Variants in MAML3 observed in about 807,000 individuals in gnomAD.
The protein encoded by MAML3 is mastermind like transcriptional coactivator 3.
Under a neutral mutation model 101.9 loss-of-function variants are expected in MAML3, and 27 were observed. The ratio of observed to expected loss-of-function variants is 0.27; its 90% confidence interval spans 0.20 to 0.37. The LOEUF (loss-of-function observed/expected upper bound fraction) is 0.37. Ranked by LOEUF, MAML3 falls within the 10% of genes least tolerant of loss-of-function variation. The probability of loss-of-function intolerance (pLI) is 1.00; values close to 1 mark genes in which losing one functional copy is unlikely to be tolerated. For synonymous variants in MAML3, 501 were observed against 555.9 expected, an observed-to-expected ratio of 0.90 and a Z score of 1.39; for missense variants, 1,316 against 1,444.9, an observed-to-expected ratio of 0.91 and a Z score of 1.45.
At chr4:140,094,459 A>C (rs1249697758) in intron 1 of MAML3, among the ~76,000 whole-genome samples, 1 of 152,230 alleles carries the variant, frequency 6.6e-6, no homozygotes, top group East Asian at 1.9e-4. Flanking sequence ...GCGACCGCCA[A>C]CCATGGCCAG....
chr4:139,741,117 C>T (rs1276100603), intron 2 of MAML3, among the ~76,000 whole-genome samples: 1 of 152,046 alleles, frequency 6.6e-6, no homozygotes. Context: ...TGCCCAGCTG[C>T]GGTGGTGGGG....
At chr4:139,874,546 A>T (rs907629137) in intron 2 of MAML3, among the ~76,000 whole-genome samples, 8 of 152,152 alleles carry the variant, frequency 5.3e-5, no homozygotes, top group South Asian at 2.1e-4. Flanking sequence ...CTATCTTTGT[A>T]TGCACAATGC....
intron 1 of MAML3, among the ~76,000 whole-genome samples, chr4:140,048,351 A>C (rs1201690450): frequency 6.6e-6 from 1 of 152,236 alleles, no homozygotes; most frequent in Admixed American, 6.5e-5. Flanking sequence ...CAAAAGGCAT[A>C]CAAGTGACCA....
intron 1 of MAML3, among the ~76,000 whole-genome samples, chr4:140,047,353 G>A (rs983052352): frequency 6.6e-6 from 1 of 152,126 alleles, no homozygotes; most frequent in African/African-American, 2.4e-5. Context: ...TGTGAAGCAG[G>A]GATTTCAAGG....
intron 1 of MAML3, among the ~76,000 whole-genome samples, chr4:140,070,876 G>A (rs537830541): frequency 7.7e-4 from 118 of 152,288 alleles, no homozygotes; most frequent in African/African-American, 2.2e-3. Context: ...GAAGTAGAAA[G>A]GCCCCTTCCC....
intron 2 of MAML3, among the ~76,000 whole-genome samples, chr4:139,815,241 A>G (rs1730873519): frequency 6.6e-6 from 1 of 152,206 alleles, no homozygotes; most frequent in Non-Finnish European, 1.5e-5. Flanking sequence ...GGAAGGTAAG[A>G]TCCTGAAGTG....
At chr4:140,008,123 C>T (rs1578640365) in intron 1 of MAML3, among the ~76,000 whole-genome samples, 1 of 152,128 alleles carries the variant, frequency 6.6e-6, no homozygotes, top group African/African-American at 2.4e-5. Flanking sequence ...GGTGGGCAGA[C>T]CACCTGAGGT....
chr4:140,083,099 G>T (rs571184496), intron 1 of MAML3, among the ~76,000 whole-genome samples: 2 of 152,292 alleles, frequency 1.3e-5, no homozygotes, highest in East Asian at 3.9e-4. Flanking sequence ...GAGGGAAAAG[G>T]ATAGAAATTA....
chr4:139,968,265 G>A lies in MAML3; in HGVS notation c.469-77298C>T, dbSNP rs1027310984. ...GTGGAGGTTGCTGTGAGCCAAGATC[G>A]TGCCACTACACTCCAGCCTGGGCAA... On this transcript the variant is annotated intron_variant, in intron 1 of 4. Coordinates refer to ENST00000509479, the MANE Select transcript of MAML3 (RefSeq NM_018717.5). Among the ~76,000 whole-genome samples, 23 of 147,452 alleles carry A rather than the reference G, an allele frequency of 1.6e-4. 1 individual carries two copies. The highest frequency in any genetic ancestry group is 1.3e-3 in the Admixed American group (19 of 14,752).
chr4:139,999,935 T>C (rs543566463), intron 1 of MAML3, among the ~76,000 whole-genome samples: 10 of 152,326 alleles, frequency 6.6e-5, no homozygotes, highest in African/African-American at 2.4e-4. Flanking sequence ...AAATGTGCTT[T>C]TCCCCCTATT....
chr4:139,791,502 CAAAAA>C (rs534133306), intron 2 of MAML3, among the ~76,000 whole-genome samples: 2 of 95,102 alleles, frequency 2.1e-5, no homozygotes, highest in Non-Finnish European at 3.9e-5. Flanking sequence ...GACTCCATCT[CAAAAA>C]AAAAAAAAAA....
intron 1 of MAML3, among the ~76,000 whole-genome samples, chr4:140,120,427 T>C (rs1334706420): frequency 6.6e-6 from 1 of 152,224 alleles, no homozygotes; most frequent in Non-Finnish European, 1.5e-5. Flanking sequence ...GTTAAAAGGC[T>C]TCGTATCATT....
intron 2 of MAML3, among the ~76,000 whole-genome samples, chr4:139,876,321 T>G (rs1197577117): frequency 6.6e-6 from 1 of 152,174 alleles, no homozygotes; most frequent in African/African-American, 2.4e-5. Flanking sequence ...TTGCATTCTA[T>G]TTTGATTGGA....
At chr4:140,131,527 G>C (rs138307614) in intron 1 of MAML3, among the ~76,000 whole-genome samples, 1 of 152,238 alleles carries the variant, frequency 6.6e-6, no homozygotes, top group Non-Finnish European at 1.5e-5. Context: ...AGGAAAAGTA[G>C]AATGGAATTT....
At chr4:139,728,494 A>G (rs901649614) in intron 3 of MAML3, among the ~76,000 whole-genome samples, 4 of 152,254 alleles carry the variant, frequency 2.6e-5, no homozygotes, top group Non-Finnish European at 5.9e-5. Flanking sequence ...GGAAATTATT[A>G]AAACCTAATC....
At chr4:139,947,376 G>A (rs1164161267) in intron 1 of MAML3, among the ~76,000 whole-genome samples, 1 of 152,104 alleles carries the variant, frequency 6.6e-6, no homozygotes, top group Non-Finnish European at 1.5e-5. Flanking sequence ...TGCCCTGATC[G>A]CCTCCAGAGA....
rs569469011 is a variant in MAML3, at chr4:140,061,343, C to A, written c.468+91517G>T. Among the ~76,000 whole-genome samples, 18 of 152,252 alleles carry A rather than the reference C, an allele frequency of 1.2e-4. No individual in the cohort carries two copies. In the South Asian group the frequency reaches 3.7e-3, roughly 32 times the overall value. ...CCTAATGAAAGTAACCTCCTAACTA[C>A]GATATGGGAGACTGCATTCACTGTC... On this transcript the variant is annotated intron_variant, in intron 1 of 4. Transcript: ENST00000509479.
intron 2 of MAML3, among the ~76,000 whole-genome samples, chr4:139,771,592 A>G (rs1729981678): frequency 6.6e-6 from 1 of 152,214 alleles, no homozygotes; most frequent in South Asian, 2.1e-4. Flanking sequence ...GGCAGAGTTC[A>G]CTAGTTTATA....
intron 1 of MAML3, among the ~76,000 whole-genome samples, chr4:140,150,462 G>A (rs1316724284): frequency 6.6e-6 from 1 of 152,134 alleles, no homozygotes; most frequent in African/African-American, 2.4e-5. Flanking sequence ...TACTCATCTT[G>A]CCGTGTCCAG....
Sources: allele counts gnomAD v4.1 joint callset (sites outside exome capture counted in the v4.1 genomes callset), GRCh38; gene constraint gnomAD v4.1.1; transcripts MANE v1.5; gene names NCBI Gene and HGNC (gene_info 2026-07-23, HGNC 2026-07-21).